Variants in PCNX4 observed in about 807,000 individuals in gnomAD.
PCNX4 encodes pecanex 4.
In PCNX4, 103 loss-of-function variants were observed where a neutral mutation model predicts 107.2. The observed-to-expected ratio is 0.96, with a 90% CI of 0.82 to 1.13. The LOEUF (loss-of-function observed/expected upper bound fraction) is 1.13. Among genes scored for constraint, PCNX4 ranks in the 50% most tolerant of loss-of-function variants. PCNX4 has a pLI of 0.00. For synonymous variants in PCNX4, 541 were observed against 481.7 expected (o/e 1.12, Z -1.61); for missense variants, 1,528 against 1,379.4 (o/e 1.11, Z -1.71).
chr14:60,125,032 C>T lies in PCNX4; in HGVS notation c.2861C>T (p.Ala954Val). The change falls in exon 9 of 11, where the codon GCC (alanine) becomes GTC (valine). Residue 954 changes from alanine (A) to valine (V), a missense_variant. Coordinates refer to ENST00000406854, the MANE Select transcript of PCNX4 (RefSeq NM_001330177.2). ...QLECYHSEEK[A>V]SNVLEEIAKD... ...GAATGTTATCATTCAGAAGAGAAGGCCTCAAATGTACTGGAAGAAATTGCC... is the reference window on the plus strand; with the variant it reads ...GAATGTTATCATTCAGAAGAGAAGGTCTCAAATGTACTGGAAGAAATTGCC... 1 of 1,613,632 alleles carries T rather than the reference C, an allele frequency of 6.2e-7. No individual in the cohort carries two copies. Among genetic ancestry groups the T allele is most frequent in the African/African-American group, 1.3e-5 (1 of 75,006 alleles).
In PCNX4 at chr14:60,125,210, A is replaced by G. The variant is rs759352284; in HGVS notation, c.3039A>G (p.Thr1013=). The G allele has an allele frequency of 6.2e-7, 1 of 1,603,852 alleles. No homozygotes were observed. The highest frequency in any genetic ancestry group is 8.5e-7 in the Non-Finnish European group (1 of 1,175,942). ...GGTCTGTTGCTTTGGACTGGCTCACAGAAAAGCCAGAACTGTTTCAACTAG... is the reference window on the plus strand; with the variant it reads ...GGTCTGTTGCTTTGGACTGGCTCACGGAAAAGCCAGAACTGTTTCAACTAG... ...LPWSVALDWL[T]EKPELFQLAL... is the part of the protein sequence containing the mutation. The change falls in exon 9 of 11, where the codon ACA becomes ACG. Residue 1013 remains threonine (T), a synonymous_variant. Coordinates refer to ENST00000406854, the MANE Select transcript of PCNX4 (RefSeq NM_001330177.2).
Position 60,124,398 on chromosome 14 carries a change from C to G in PCNX4, c.2227C>G (p.Leu743Val). 7 of 1,613,488 alleles carry G rather than the reference C, an allele frequency of 4.3e-6. No individual in the cohort carries two copies. The highest frequency in any genetic ancestry group is 5.9e-6 in the Non-Finnish European group (7 of 1,179,648). ...VKLYSDARNV[L>V]SGIIDSHENL... ...ATTGTATTCTGATGCCAGGAATGTT[C>G]TATCAGGCATAATTGATTCTCATGA... The change falls in exon 9 of 11, where the codon CTA becomes GTA. Residue 743 changes from leucine (L) to valine (V), a missense_variant. Coordinates refer to ENST00000406854, the MANE Select transcript of PCNX4 (RefSeq NM_001330177.2).
rs1420551676 is a variant in PCNX4 at position 60,138,208 on chromosome 14, T to TA, written c.*3989dup. 9.2e-5 allele frequency: 14 copies of TA among 151,362 alleles called. No individual in the cohort carries two copies. The highest frequency in any genetic ancestry group is 3.4e-3 in the Middle Eastern group (1 of 294). 9.4% of individuals were successfully genotyped at this position (151,362 alleles called of 1,614,324 possible). Reference sequence around the variant, plus strand: ...GAAGTAAATACCAGATGTGAAAAACTAAGAGACAAAAGAATAGAAAATATA... The same window carrying TA: ...GAAGTAAATACCAGATGTGAAAAACTAAAGAGACAAAAGAATAGAAAATATA... On this transcript the variant is annotated 3_prime_UTR_variant, in exon 11 of 11. Coordinates refer to ENST00000406854, the MANE Select transcript of PCNX4 (RefSeq NM_001330177.2).
chr14:60,098,329 C>G (rs1187615172), intron 1 of PCNX4, among the ~76,000 whole-genome samples: 1 of 152,208 alleles, frequency 6.6e-6, no homozygotes, highest in Non-Finnish European at 1.5e-5. Context: ...AGAGAGCTTT[C>G]CTGACTGAAA....
In PCNX4 at chr14:60,115,318, T is replaced by G. The variant is rs775422644; in HGVS notation, c.1214T>G (p.Leu405Arg). 2 of 1,608,096 alleles carry G rather than the reference T, an allele frequency of 1.2e-6. No homozygotes were observed. The highest frequency in any genetic ancestry group is 1.7e-6 in the Non-Finnish European group (2 of 1,175,852). Reference sequence around the variant, plus strand: ...ATATTACTTATAATACTGTGGATACTTAGAGAAATTCAAAGCGTATATATC... The same window carrying G: ...ATATTACTTATAATACTGTGGATACGTAGAGAAATTCAAAGCGTATATATC... Reference protein sequence around the residue: ...LMILLIILWILREIQSVYIIG... With the variant: ...LMILLIILWIRREIQSVYIIG... Residue 405 changes from leucine to arginine, a missense_variant, in exon 4 of 11, where the codon CTT (leucine) becomes CGT (arginine). Coordinates refer to ENST00000406854, the MANE Select transcript of PCNX4 (RefSeq NM_001330177.2).
chr14:60,094,237 T>C (rs1345953089), intron 1 of PCNX4, among the ~76,000 whole-genome samples: 2 of 152,192 alleles, frequency 1.3e-5, no homozygotes, highest in Admixed American at 6.5e-5. Flanking sequence ...AACCCCCTCA[T>C]GCTGGCTTAG....
chr14:60,129,647 T>A (rs1406671257), intron 10 of PCNX4, among the ~76,000 whole-genome samples: 2 of 152,218 alleles, frequency 1.3e-5, no homozygotes, highest in Non-Finnish European at 2.9e-5. Flanking sequence ...AAAGTGATAA[T>A]TATAACTATG....
rs1251341999 is a variant in PCNX4, at chr14:60,134,565, A to G, written c.*344A>G. On this transcript the variant is annotated 3_prime_UTR_variant, in exon 11 of 11. Transcript: ENST00000406854. ...AGGTGAATTGCCATACAAAGTTAAC[A>G]GCTATGTAATTTTTACATACTTAAG... 4.6e-5 allele frequency: 10 copies of G among 217,136 alleles called. No individual in the cohort carries two copies. The highest frequency in any genetic ancestry group is 9.1e-5 in the Non-Finnish European group (10 of 109,504). The allele number at this position is 217,136 out of a possible 1,614,324, so 13.5% of individuals were successfully genotyped here. A position where few individuals can be genotyped will look rare whatever the true frequency, so the allele number is the denominator to read the frequency against.
rs1370555302 is a variant in PCNX4, at chr14:60,108,166, AT to A, written c.530del (p.Phe177SerfsTer6). 1 of 1,612,774 alleles carries A rather than the reference AT, an allele frequency of 6.2e-7. No individual in the cohort carries two copies. The highest frequency in any genetic ancestry group is 8.5e-7 in the Non-Finnish European group (1 of 1,179,898). ...YGSTGGTALL[F>X]FFGWMTLCIA... ...GCAGTACAGGAGGCACTGCTCTACT[AT>A]TCTTCTTTGGATGGATGACACTATG... On this transcript the variant is annotated frameshift_variant, in exon 2 of 11. Transcript: ENST00000406854. LOFTEE classifies it high-confidence loss of function.
At chr14:60,121,379 T>C in intron 8 of PCNX4, 80 bp downstream of exon 8, 1 of 1,395,092 alleles carries the variant, frequency 7.2e-7, no homozygotes. Flanking sequence ...CATCAAACAC[T>C]CAATTTGAAA....
At chr14:60,115,889 G>T (rs1377556591) in intron 5 of PCNX4, 52 bp from the exon 6 acceptor site, 7 of 1,589,194 alleles carry the variant, frequency 4.4e-6, no homozygotes, top group Middle Eastern at 1.7e-4. Context: ...TTAATAGTTT[G>T]CTTAGATTAT....
At chr14:60,122,436 G>A (rs538261841) in intron 8 of PCNX4, among the ~76,000 whole-genome samples, 2 of 151,738 alleles carry the variant, frequency 1.3e-5, no homozygotes, top group African/African-American at 4.8e-5. Context: ...TATTCCCTCT[G>A]CCTAAAACAC....
Position 60,107,702 on chromosome 14 carries a change from C to T in PCNX4, c.64C>T (p.Gln22Ter), listed in dbSNP as rs368525002. 6.2e-7 allele frequency: 1 copy of T among 1,612,856 alleles called. No homozygotes were observed. Among genetic ancestry groups the T allele is most frequent in the African/African-American group, 1.3e-5 (1 of 75,054 alleles). Residue 22 changes from glutamine to a stop codon, truncating the protein, a stop_gained, in exon 2 of 11, where the codon CAG (glutamine) becomes TAG (stop). Coordinates refer to ENST00000406854, the MANE Select transcript of PCNX4 (RefSeq NM_001330177.2). LOFTEE classifies it high-confidence loss of function. ...GGACTTCTTTCTGAAGCGCTTTCCA[C>T]AGACTGTTCTTGGAGGCCCTCGATT... is the stretch of plus-strand genomic sequence containing the variant. ...KQDFFLKRFPQTVLGGPRFKL... is the reference protein window; with the variant it reads ...KQDFFLKRFP
At chr14:60,116,602 T>G (rs1362485788) in intron 6 of PCNX4, among the ~76,000 whole-genome samples, 4 of 152,208 alleles carry the variant, frequency 2.6e-5, no homozygotes, top group African/African-American at 9.6e-5. Context: ...AAGTATAGCA[T>G]ATACAATTGT....
In PCNX4 at chr14:60,145,840, A is replaced by G. The variant is rs955631309; in HGVS notation, c.*11619A>G. ...TAAGAAAGACAAAATAATAATAATGATAATACAAAATTCAGTGTAGCCACT... is the reference window on the plus strand; with the variant it reads ...TAAGAAAGACAAAATAATAATAATGGTAATACAAAATTCAGTGTAGCCACT... On this transcript the variant is annotated 3_prime_UTR_variant, in exon 11 of 11. Transcript: ENST00000406854. This position sits in a 1 kb window ranked among gnomAD's most constrained non-coding sequence, Gnocchi z 4.0. 6.6e-6 allele frequency: 1 copy of G among 152,070 alleles called. No individual in the cohort carries two copies. Among genetic ancestry groups the G allele is most frequent in the African/African-American group, 2.4e-5 (1 of 41,444 alleles). The allele number at this position is 152,070 out of a possible 1,614,324, so 9.4% of individuals were successfully genotyped here. A position where few individuals can be genotyped will look rare whatever the true frequency, so the allele number is the denominator to read the frequency against.
Position 60,112,271 on chromosome 14 carries a change from T to C in PCNX4, c.690-2429T>C, listed in dbSNP as rs148824359. On this transcript the variant is annotated intron_variant, in intron 2 of 10. Coordinates refer to ENST00000406854, the MANE Select transcript of PCNX4 (RefSeq NM_001330177.2). Reference sequence around the variant, plus strand: ...TAGCCACTGTAGAAAAAATCTTTTTTCTTGGCATGTGGATCTTAGTGAGTG... The same window carrying C: ...TAGCCACTGTAGAAAAAATCTTTTTCCTTGGCATGTGGATCTTAGTGAGTG... 5.3e-3 allele frequency among the ~76,000 whole-genome samples: 805 copies of C among 152,338 alleles called. 6 individuals are homozygous for C. The highest frequency in any genetic ancestry group is 0.018 in the African/African-American group (766 of 41,586).
At position 60,139,305 on chromosome 14, in the gene PCNX4, A is replaced by G. The variant is rs936146478; in HGVS notation, c.*5084A>G. On this transcript the variant is annotated 3_prime_UTR_variant, in exon 11 of 11. Coordinates refer to ENST00000406854, the MANE Select transcript of PCNX4 (RefSeq NM_001330177.2). Reference sequence around the variant, plus strand: ...ATGAAATACAAAAAACAAAAACGATAGGGCAGGGGACTATGGTGGCTATTG... The same window carrying G: ...ATGAAATACAAAAAACAAAAACGATGGGGCAGGGGACTATGGTGGCTATTG... The G allele has an allele frequency of 6.6e-5, 10 of 152,140 alleles. No homozygotes were observed. The highest frequency in any genetic ancestry group is 1.2e-4 in the Non-Finnish European group (8 of 67,956). 9.4% of individuals were successfully genotyped at this position (152,140 alleles called of 1,614,324 possible). A position where few individuals can be genotyped will look rare whatever the true frequency, so the allele number is the denominator to read the frequency against.
At chr14:60,100,636 T>G (rs1490994113) in intron 1 of PCNX4, among the ~76,000 whole-genome samples, 1 of 152,178 alleles carries the variant, frequency 6.6e-6, no homozygotes, top group Admixed American at 6.5e-5. Flanking sequence ...GAAACAATAA[T>G]AGGATTTTGA....
rs1340361420 is a variant in PCNX4 at position 60,136,564 on chromosome 14, CAG to C, written c.*2346_*2347del. 4 of 152,384 alleles carry C rather than the reference CAG, an allele frequency of 2.6e-5. No individual in the cohort carries two copies. The highest frequency in any genetic ancestry group is 9.7e-5 in the African/African-American group (4 of 41,426). 9.4% of individuals were successfully genotyped at this position (152,384 alleles called of 1,614,324 possible). ...AAGGTGAGAGTTAAAGAAAGACACACAGAGGGCAGCTTGACAGCAAATGCAGA... is the reference window on the plus strand; with the variant it reads ...AAGGTGAGAGTTAAAGAAAGACACACAGGGCAGCTTGACAGCAAATGCAGA... On this transcript the variant is annotated 3_prime_UTR_variant, in exon 11 of 11. Transcript: ENST00000406854.
Sources: gnomAD v4.1 joint callset for allele counts (sites outside exome capture counted in the v4.1 genomes callset) on GRCh38, gnomAD v4.1.1 for gene constraint, Gnocchi (gnomAD v3.1) non-coding constraint, MANE v1.5 for transcripts, NCBI Gene and HGNC (gene_info 2026-07-23, HGNC 2026-07-21) for gene names.